Variants in NHSL1 observed in about 807,000 individuals in gnomAD.
The protein encoded by NHSL1 is NHS-like protein 1.
In NHSL1, 48 loss-of-function variants were observed where a neutral mutation model predicts 95.0. The observed-to-expected ratio is 0.51, with a 90% CI of 0.40 to 0.64. NHSL1 has a LOEUF of 0.64. NHSL1 is among the 30% of genes least tolerant of loss of function. The pLI, the probability that NHSL1 is intolerant of heterozygous loss-of-function variation, is 0.00. For synonymous variants in NHSL1, 783 were observed against 833.9 expected, an observed-to-expected ratio of 0.94 and a Z score of 1.05; for missense variants, 1,971 against 2,077.7, an observed-to-expected ratio of 0.95 and a Z score of 1.00.
upstream of NHSL1, among the ~76,000 whole-genome samples, chr6:138,550,503 C>T (rs1782961282): frequency 6.6e-6 from 1 of 152,190 alleles, no homozygotes; most frequent in Non-Finnish European, 1.5e-5. Context: ...TGGCCTTTGC[C>T]AACCATGACC....
At chr6:138,537,061 T>C (rs972821033) in intron 1 of NHSL1, among the ~76,000 whole-genome samples, 1 of 152,220 alleles carries the variant, frequency 6.6e-6, no homozygotes, top group South Asian at 2.1e-4. Flanking sequence ...CATCCACCCA[T>C]AGATTTCTCT....
chr6:138,435,806 C>G (rs1430287977), intron 5 of NHSL1, among the ~76,000 whole-genome samples: 3 of 147,932 alleles, frequency 2.0e-5, no homozygotes, highest in African/African-American at 5.0e-5. Context: ...TGCCATTTTT[C>G]TAACATGCTT....
chr6:138,597,126 A>C (rs908469840), intron 1 of NHSL1, among the ~76,000 whole-genome samples: 1 of 152,170 alleles, frequency 6.6e-6, no homozygotes, highest in African/African-American at 2.4e-5. Context: ...ACATCACGGC[A>C]CTCCAGCCTG....
chr6:138,517,229 C>T (rs989529361), intron 1 of NHSL1, among the ~76,000 whole-genome samples: 12 of 152,290 alleles, frequency 7.9e-5, no homozygotes, highest in African/African-American at 2.4e-4. Context: ...AGCCTCTGTT[C>T]TCACCAGACT....
chr6:138,684,395 C>A lies in NHSL1; in HGVS notation c.96+8081G>T, dbSNP rs755521932. Among the ~76,000 whole-genome samples, 7 of 152,104 alleles carry A rather than the reference C, an allele frequency of 4.6e-5. 1 individual carries two copies. Among genetic ancestry groups the A allele is most frequent in the Non-Finnish European group, 2.9e-5 (2 of 68,018 alleles). On this transcript the variant is annotated intron_variant, in intron 1 of 3. Coordinates refer to the NHSL1 transcript ENST00000491526. ...GGGCGCGGTGACTCAAGCCTGTAAT[C>A]CCAGCACTTTGGGAGGCCAAGGCGG...
chr6:138,690,567 C>A (rs1045696714), intron 1 of NHSL1, among the ~76,000 whole-genome samples: 14 of 152,082 alleles, frequency 9.2e-5, no homozygotes, highest in Admixed American at 7.9e-4. Context: ...ATGGCGAAAC[C>A]CTGTCTCTAC....
intron 2 of NHSL1, among the ~76,000 whole-genome samples, chr6:138,490,671 T>TTG (rs1450414503): frequency 6.6e-6 from 1 of 152,120 alleles, no homozygotes; most frequent in Non-Finnish European, 1.5e-5. Context: ...TCTCACTCTG[T>TTG]CACCAGGCTG....
At chr6:138,462,808 G>A (rs1002063220) in intron 3 of NHSL1, among the ~76,000 whole-genome samples, 2 of 152,312 alleles carry the variant, frequency 1.3e-5, no homozygotes, top group Middle Eastern at 3.4e-3. Context: ...CAGGGAAAAG[G>A]TGGATCAAAC....
intron 1 of NHSL1, among the ~76,000 whole-genome samples, chr6:138,665,277 T>C (rs1472983994): frequency 2.0e-5 from 3 of 152,350 alleles, no homozygotes; most frequent in African/African-American, 7.2e-5. Context: ...GCTTCAATCA[T>C]CTTCAACCAC....
intron 2 of NHSL1, among the ~76,000 whole-genome samples, chr6:138,481,648 T>C (rs527698843): frequency 6.6e-6 from 1 of 152,304 alleles, no homozygotes; most frequent in African/African-American, 2.4e-5. Context: ...TTTATAGTAG[T>C]TTTAAATAAG....
At chr6:138,482,222 C>A (rs542371791) in intron 2 of NHSL1, among the ~76,000 whole-genome samples, 1 of 152,068 alleles carries the variant, frequency 6.6e-6, no homozygotes, top group Non-Finnish European at 1.5e-5. Flanking sequence ...CCAAGGCGGG[C>A]GGATCACAAG....
chr6:138,519,429 A>G (rs1057289421), intron 1 of NHSL1, among the ~76,000 whole-genome samples: 2 of 152,248 alleles, frequency 1.3e-5, no homozygotes, highest in Non-Finnish European at 2.9e-5. Context: ...TAATAAAAGC[A>G]TTAAATATTA....
chr6:138,539,336 T>C (rs1038327017), intron 1 of NHSL1, among the ~76,000 whole-genome samples: 5 of 152,244 alleles, frequency 3.3e-5, no homozygotes, highest in Admixed American at 6.5e-5. Context: ...AGCAGTATTT[T>C]CTTCTGATGT....
At chr6:138,684,369 T>C (rs574469991) in intron 1 of NHSL1, among the ~76,000 whole-genome samples, 1 of 152,232 alleles carries the variant, frequency 6.6e-6, no homozygotes, top group East Asian at 1.9e-4. Context: ...GGGAGGCCTG[T>C]GGGCGCGGTG....
chr6:138,642,578 T>C (rs1163110454), intron 1 of NHSL1, among the ~76,000 whole-genome samples: 1 of 152,212 alleles, frequency 6.6e-6, no homozygotes, highest in African/African-American at 2.4e-5. Context: ...TTATTCCAGA[T>C]TGTCGTGAAC....
At chr6:138,620,067 T>G (rs1784634565) in intron 1 of NHSL1, among the ~76,000 whole-genome samples, 1 of 151,106 alleles carries the variant, frequency 6.6e-6, no homozygotes, top group Non-Finnish European at 1.5e-5. Flanking sequence ...TTTTTAAAGA[T>G]ACTCCTTAAC....
intron 5 of NHSL1, among the ~76,000 whole-genome samples, chr6:138,439,214 C>T (rs1017710472): frequency 6.6e-6 from 1 of 152,056 alleles, no homozygotes; most frequent in African/African-American, 2.4e-5. Context: ...TTTTAAAAAT[C>T]CAAAGCCGCT....
chr6:138,483,956 C>T (rs1779573435), intron 2 of NHSL1, among the ~76,000 whole-genome samples: 1 of 152,182 alleles, frequency 6.6e-6, no homozygotes, highest in Non-Finnish European at 1.5e-5. Flanking sequence ...ACATTTTCCA[C>T]CTTCATTAAC....
intron 1 of NHSL1, among the ~76,000 whole-genome samples, chr6:138,644,299 G>A (rs1437759105): frequency 6.6e-6 from 1 of 152,072 alleles, no homozygotes; most frequent in Non-Finnish European, 1.5e-5. Flanking sequence ...TCAGGAGTTC[G>A]AGACCAGTCT....
Sources: gnomAD v4.1 joint callset for allele counts (sites outside exome capture counted in the v4.1 genomes callset) on GRCh38, gnomAD v4.1.1 for gene constraint, MANE v1.5 for transcripts, NCBI Gene and HGNC (gene_info 2026-07-23, HGNC 2026-07-21) for gene names.